MGAT5: variants seen among roughly 807,000 people sequenced by gnomAD.
MGAT5 encodes the protein alpha-1,6-mannosylglycoprotein 6-beta-N-acetylglucosaminyltransferase.
MGAT5 carries 30 observed loss-of-function variants against 94.3 expected under a neutral mutation model. The ratio of observed to expected loss-of-function variants is 0.32; its 90% CI spans 0.24 to 0.43. The LOEUF is 0.43. Ranked by LOEUF, MGAT5 falls within the 20% of genes least tolerant of loss-of-function variation. The pLI, the probability that MGAT5 is intolerant of heterozygous loss-of-function variation, is 1.00. For synonymous variants in MGAT5, 310 were observed against 322.9 expected (o/e 0.96, Z 0.43); for missense variants, 691 against 905.5 (o/e 0.76, Z 3.04).
At chr2:134,260,702 CTT>C (rs3838494) in intron 1 of MGAT5, among the ~76,000 whole-genome samples, 25 of 127,006 alleles carry the variant, frequency 2.0e-4, no homozygotes, top group Admixed American at 2.4e-4. Flanking sequence ...TTTTCTTTTT[CTT>C]TTTTTTTTTT....
intron 1 of MGAT5, among the ~76,000 whole-genome samples, chr2:134,243,949 G>T (rs1050369388): frequency 1.3e-5 from 2 of 152,182 alleles, no homozygotes; most frequent in African/African-American, 4.8e-5. Context: ...TTTGAAATAA[G>T]TGTGGTGATT....
intron 11 of MGAT5, among the ~76,000 whole-genome samples, chr2:134,403,368 T>A (rs1683164595): frequency 6.6e-6 from 1 of 152,110 alleles, no homozygotes. Context: ...ACCTACTCAG[T>A]GTTAGGTGTC....
At chr2:134,228,611 C>T (rs1234693781) in intron 1 of MGAT5, among the ~76,000 whole-genome samples, 4 of 152,108 alleles carry the variant, frequency 2.6e-5, no homozygotes, top group Non-Finnish European at 5.9e-5. Flanking sequence ...CAGTAGAGGG[C>T]GCTGGAGAAA....
chr2:134,126,719 A>G (rs1685853709), intron 1 of MGAT5, among the ~76,000 whole-genome samples: 1 of 152,226 alleles, frequency 6.6e-6, no homozygotes. Flanking sequence ...AAGAGTAGAG[A>G]AGATGACCAG....
At chr2:134,126,256 G>A (rs1289633719) in intron 1 of MGAT5, among the ~76,000 whole-genome samples, 1 of 152,168 alleles carries the variant, frequency 6.6e-6, no homozygotes, top group Non-Finnish European at 1.5e-5. Flanking sequence ...GTCTAAGCCT[G>A]GTCAATGCAC....
At chr2:134,172,206 T>C (rs939720827) in intron 1 of MGAT5, among the ~76,000 whole-genome samples, 2 of 152,094 alleles carry the variant, frequency 1.3e-5, no homozygotes, top group East Asian at 1.9e-4. Context: ...AGCACACACA[T>C]CATCATGGTG....
At chr2:134,257,898 G>T (rs1156260933) in intron 1 of MGAT5, among the ~76,000 whole-genome samples, 1 of 132,912 alleles carries the variant, frequency 7.5e-6, no homozygotes, top group East Asian at 2.4e-4. Context: ...CTACACATCT[G>T]CTTTGAGAGT....
chr2:134,318,880 A>G (rs1388666667), intron 4 of MGAT5, 141 bp downstream of exon 4: 4 of 537,276 alleles, frequency 7.4e-6, no homozygotes, highest in African/African-American at 3.9e-5. Context: ...TACTCTCCCT[A>G]CCTCTCCAGG....
At chr2:134,413,064 T>C (rs1418797499) in intron 12 of MGAT5, 49 bp downstream of exon 12, 7 of 1,598,842 alleles carry the variant, frequency 4.4e-6, no homozygotes, top group Non-Finnish European at 5.1e-6. Context: ...GAATAATAGC[T>C]ATTTATTGAG....
chr2:134,306,662 TA>T (rs1176469631), intron 2 of MGAT5, among the ~76,000 whole-genome samples: 3 of 152,110 alleles, frequency 2.0e-5, no homozygotes, highest in African/African-American at 7.2e-5. Context: ...AATGAGGCTA[TA>T]AATGAGTGCC....
chr2:134,178,809 C>T (rs1688598285), intron 1 of MGAT5, among the ~76,000 whole-genome samples: 1 of 152,158 alleles, frequency 6.6e-6, no homozygotes, highest in Non-Finnish European at 1.5e-5. Flanking sequence ...ATGCTCTTTA[C>T]ACTGCATGAT....
chr2:134,380,870 C>A (rs188700392), intron 10 of MGAT5, among the ~76,000 whole-genome samples: 1 of 152,104 alleles, frequency 6.6e-6, no homozygotes, highest in Non-Finnish European at 1.5e-5. Context: ...AAAGAGTAAA[C>A]ACGTTGTATG....
In MGAT5 at chr2:134,372,399, T is replaced by A. The variant is rs147079316; in HGVS notation, c.1380+9991T>A. Among the ~76,000 whole-genome samples, 309 of 152,284 alleles carry A rather than the reference T, an allele frequency of 2.0e-3. 1 individual carries two copies. Among genetic ancestry groups the A allele is most frequent in the African/African-American group, 7.2e-3 (300 of 41,554 alleles). Reference sequence around the variant, plus strand: ...CATGGTTATGGGTTTCAGTGATATATCTCTCAAGAATGCTTATCTTTTAAC... The same window carrying A: ...CATGGTTATGGGTTTCAGTGATATAACTCTCAAGAATGCTTATCTTTTAAC... On this transcript the variant is annotated intron_variant, in intron 10 of 15. Transcript: ENST00000281923.
intron 2 of MGAT5, among the ~76,000 whole-genome samples, chr2:134,287,698 G>A (rs1685096544): frequency 1.3e-5 from 2 of 152,174 alleles, no homozygotes; most frequent in Non-Finnish European, 1.5e-5. Flanking sequence ...AAAATTTGTA[G>A]TAGAGACCTC....
chr2:134,260,076 A>AG (rs1683222904), intron 1 of MGAT5, among the ~76,000 whole-genome samples: 1 of 142,546 alleles, frequency 7.0e-6, no homozygotes, highest in African/African-American at 2.8e-5. Context: ...CTAGGTCCTA[A>AG]GGCCTACTCC....
At chr2:134,425,882 T>A (rs889229182) in intron 13 of MGAT5, among the ~76,000 whole-genome samples, 2 of 149,472 alleles carry the variant, frequency 1.3e-5, no homozygotes, top group African/African-American at 5.0e-5. Context: ...CCTCGCCATA[T>A]GAGTAACAGT....
chr2:134,346,294 G>A (rs1688922627), intron 8 of MGAT5, among the ~76,000 whole-genome samples: 1 of 152,240 alleles, frequency 6.6e-6, no homozygotes, highest in African/African-American at 2.4e-5. Flanking sequence ...GGATAATTTT[G>A]TTATTAAAAT....
At chr2:134,339,391 T>G (rs1688504798) in intron 6 of MGAT5, among the ~76,000 whole-genome samples, 1 of 152,216 alleles carries the variant, frequency 6.6e-6, no homozygotes, top group African/African-American at 2.4e-5. Flanking sequence ...TTTATATCTA[T>G]GTATACATAA....
chr2:134,242,628 C>T (rs569710663), intron 1 of MGAT5, among the ~76,000 whole-genome samples: 1 of 152,290 alleles, frequency 6.6e-6, no homozygotes, highest in South Asian at 2.1e-4. Flanking sequence ...CCAATTGATT[C>T]TATTGTTTTG....
Sources: allele counts gnomAD v4.1 joint callset (sites outside exome capture counted in the v4.1 genomes callset), GRCh38; gene constraint gnomAD v4.1.1; transcripts MANE v1.5; gene names NCBI Gene and HGNC (gene_info 2026-07-23, HGNC 2026-07-21).